The following NSD1 variants were observed in gnomAD, a reference collection of about 807,000 sequenced individuals.
NSD1 encodes the protein nuclear receptor binding SET domain protein 1, also known as histone-lysine N-methyltransferase, H3 lysine-36 specific.
Under a neutral mutation model 242.7 loss-of-function variants are expected in NSD1, and 26 were observed. The observed-to-expected ratio is 0.11, with a 90% CI of 0.08 to 0.15. The LOEUF (loss-of-function observed/expected upper bound fraction) is 0.15. Among genes scored for constraint, NSD1 ranks in the 10% least tolerant of loss-of-function variants. NSD1 has a pLI of 1.00. For synonymous variants in NSD1, 1,106 were observed against 1,178.1 expected (o/e 0.94, Z 1.25); for missense variants, 2,495 against 3,272.8 (o/e 0.76, Z 5.80).
At position 177,150,858 on chromosome 5, in the gene NSD1, T is replaced by G. The variant is rs1302352033; in HGVS notation, c.927+14828T>G. On this transcript the variant is annotated intron_variant, in intron 2 of 22. Transcript: ENST00000439151. ...GAAAGTAGGTGATGTGCAAGTTGTG[T>G]CTATACCCAGTGAAAATAACAGACA... 2.0e-5 allele frequency among the ~76,000 whole-genome samples: 3 copies of G among 152,208 alleles called. No homozygotes were observed. The East Asian group carries it at 5.8e-4, about 29-fold the overall frequency.
chr5:177,292,672 C>G (rs1294121890), intron 22 of NSD1, among the ~76,000 whole-genome samples: 1 of 152,196 alleles, frequency 6.6e-6, no homozygotes, highest in Non-Finnish European at 1.5e-5. Context: ...GCAGTCTCCC[C>G]CCATGCAGAG....
intron 14 of NSD1, chr5:177,266,273 GTCA>G: frequency 1.3e-6 from 1 of 748,094 alleles, no homozygotes; most frequent in Non-Finnish European, 2.5e-6. Context: ...CTTGGTGATG[GTCA>G]CCAAGTGGTC....
chr5:177,191,799 C>T (rs554174928), intron 2 of NSD1, 85 bp from the exon 3 acceptor site: 1 of 1,443,464 alleles, frequency 6.9e-7, no homozygotes, highest in Admixed American at 1.7e-5. Context: ...TCATACATTG[C>T]TTTTTCAGAA....
At chr5:177,255,227 C>G (rs1756336400) in intron 12 of NSD1, among the ~76,000 whole-genome samples, 2 of 151,904 alleles carry the variant, frequency 1.3e-5, no homozygotes, top group South Asian at 4.2e-4. Flanking sequence ...ATTGCTTGAT[C>G]CCAGGAGGTG....
chr5:177,279,961 A>ATATTTTATTTTATTT (rs571980602), intron 17 of NSD1, among the ~76,000 whole-genome samples: 1,487 of 140,058 alleles, frequency 0.011, 57 homozygotes, highest in African/African-American at 0.037. Context: ...TTTAAAGTTC[A>ATATTTTATTTTATTT]TATTTTATTT....
intron 2 of NSD1, among the ~76,000 whole-genome samples, chr5:177,143,589 G>A (rs895600479): frequency 6.6e-6 from 1 of 151,906 alleles, no homozygotes; most frequent in Non-Finnish European, 1.5e-5. Flanking sequence ...CAAAGTGCTG[G>A]GATTACAGGC....
chr5:177,220,976 G>T (rs775771275), intron 5 of NSD1: 8 of 451,572 alleles, frequency 1.8e-5, no homozygotes, highest in South Asian at 1.3e-4. Flanking sequence ...CGATTCTTGT[G>T]CCTCAGCCTC....
rs185930285 is a variant in NSD1, at chr5:177,275,175, A to C, written c.5622+1391A>C. On this transcript the variant is annotated intron_variant, in intron 17 of 22. Coordinates refer to ENST00000439151, the MANE Select transcript of NSD1 (RefSeq NM_022455.5). Reference sequence around the variant, plus strand: ...GAAAAACTTTCGTTGTTTGTCAGAAATTCAGATTGAACTAGATGACTTGGA... The same window carrying C: ...GAAAAACTTTCGTTGTTTGTCAGAACTTCAGATTGAACTAGATGACTTGGA... 4.6e-5 allele frequency among the ~76,000 whole-genome samples: 7 copies of C among 151,998 alleles called. No homozygotes were observed. In the East Asian group the frequency reaches 1.4e-3, roughly 29 times the overall value.
intron 2 of NSD1, among the ~76,000 whole-genome samples, chr5:177,149,937 T>C (rs1362414510): frequency 6.6e-6 from 1 of 151,938 alleles, no homozygotes; most frequent in Admixed American, 6.6e-5. Flanking sequence ...CCATACTTTC[T>C]TTATTTCTTT....
At chr5:177,243,685 T>G (rs1244671435) in intron 8 of NSD1, among the ~76,000 whole-genome samples, 1 of 152,142 alleles carries the variant, frequency 6.6e-6, no homozygotes, top group Non-Finnish European at 1.5e-5. Context: ...ACAGGTCTGT[T>G]GGAGCATTGT....
At chr5:177,228,591 T>G (rs574440924) in intron 5 of NSD1, among the ~76,000 whole-genome samples, 123 of 152,152 alleles carry the variant, frequency 8.1e-4, no homozygotes, top group African/African-American at 2.9e-3. Flanking sequence ...TTCTTTAAAC[T>G]TTTTTCTCTG....
intron 12 of NSD1, among the ~76,000 whole-genome samples, chr5:177,255,059 C>T (rs1756321884): frequency 6.6e-6 from 1 of 152,082 alleles, no homozygotes; most frequent in Non-Finnish European, 1.5e-5. Flanking sequence ...AATCCCAGCA[C>T]TTTGGGAGGC....
At chr5:177,261,696 A>AT (rs1662091086) in intron 14 of NSD1, among the ~76,000 whole-genome samples, 2 of 152,038 alleles carry the variant, frequency 1.3e-5, no homozygotes, top group South Asian at 4.1e-4. Flanking sequence ...TGGTAATGGT[A>AT]TTGGTATTTT....
chr5:177,167,889 T>G (rs1156579150), intron 2 of NSD1, among the ~76,000 whole-genome samples: 2 of 152,224 alleles, frequency 1.3e-5, no homozygotes, highest in Non-Finnish European at 2.9e-5. Flanking sequence ...TTGTTTTGGC[T>G]GTTTAGGCTT....
chr5:177,171,107 G>A (rs979787896), intron 2 of NSD1, among the ~76,000 whole-genome samples: 6 of 151,668 alleles, frequency 4.0e-5, no homozygotes, highest in Admixed American at 3.3e-4. Context: ...CAGATCACAA[G>A]GTCAAGAGAT....
At chr5:177,138,066 A>G (rs1756485130) in intron 2 of NSD1, among the ~76,000 whole-genome samples, 1 of 149,994 alleles carries the variant, frequency 6.7e-6, no homozygotes, top group African/African-American at 2.5e-5. Flanking sequence ...TAAGAGTGAA[A>G]CTCTGTCTCA....
At chr5:177,218,860 C>T (rs1173454582) in intron 5 of NSD1, among the ~76,000 whole-genome samples, 4 of 151,864 alleles carry the variant, frequency 2.6e-5, no homozygotes, top group Non-Finnish European at 4.4e-5. Context: ...TGAGCCACCG[C>T]GCCCGGCCCC....
At chr5:177,196,611 A>G (rs1407077642) in intron 3 of NSD1, among the ~76,000 whole-genome samples, 8 of 152,220 alleles carry the variant, frequency 5.3e-5, no homozygotes. Context: ...ATTTACTGAG[A>G]GAACACCAGA....
intron 20 of NSD1, among the ~76,000 whole-genome samples, chr5:177,287,683 C>T (rs933000052): frequency 3.3e-5 from 5 of 152,008 alleles, no homozygotes; most frequent in African/African-American, 4.8e-5. Context: ...AATAGAACCA[C>T]GAAAGATTCA....
Sources: gnomAD v4.1 joint callset for allele counts (sites outside exome capture counted in the v4.1 genomes callset) on GRCh38, gnomAD v4.1.1 for gene constraint, MANE v1.5 for transcripts, NCBI Gene and HGNC (gene_info 2026-07-23, HGNC 2026-07-21) for gene names.